Variants in GPI observed in about 807,000 individuals in gnomAD.
GPI encodes glucose-6-phosphate isomerase, also known as D-hexose-6-phosphate anomerase.
A neutral mutation model predicts 75.8 loss-of-function variants in GPI; 56 were observed. The observed-to-expected ratio is 0.74, with a 90% confidence interval of 0.60 to 0.92. GPI has a LOEUF of 0.92. GPI is among the 40% of genes least tolerant of loss of function. GPI has a pLI of 0.00. For missense variants in GPI, 638 were observed against 741.0 expected, an observed-to-expected ratio of 0.86 and a Z score of 1.61; for synonymous variants, 288 against 285.4, an observed-to-expected ratio of 1.01 and a Z score of -0.09.
chr19:34,393,626 T>C lies in GPI; in HGVS notation c.866-102T>C, dbSNP rs554760220. 5.1e-5 allele frequency: 58 copies of C among 1,148,320 alleles called. No homozygotes were observed. In the South Asian group the frequency reaches 5.5e-4, roughly 11 times the overall value. The allele number at this position is 1,148,320 out of a possible 1,614,324, so 71.1% of individuals were successfully genotyped here. A position where few individuals can be genotyped will look rare whatever the true frequency, so the allele number is the denominator to read the frequency against. ...CCGAGTCCTCCCATGTCGTATCTTC[T>C]GGCTCTCCATGCAGCCTTCCTTCGT... On this transcript the variant is annotated intron_variant, in intron 10 of 17. Transcript: ENST00000356487. This position sits in a 1 kb window ranked among gnomAD's most constrained non-coding sequence, Gnocchi z 4.4.
chr19:34,395,677 C>T (rs116389856), intron 12 of GPI, among the ~76,000 whole-genome samples: 48 of 152,292 alleles, frequency 3.2e-4, no homozygotes, highest in African/African-American at 1.1e-3. Context: ...GGGCATGAGT[C>T]CTTCCTGCAC....
chr19:34,380,002 T>G (rs925591552), intron 8 of GPI: 19 of 209,904 alleles, frequency 9.1e-5, no homozygotes, highest in Middle Eastern at 2.0e-3. Flanking sequence ...TTTTTTTTTT[T>G]TTTTTTTTTT....
chr19:34,393,693 T>C lies in GPI; in HGVS notation c.866-35T>C, dbSNP rs772422583. ...CCCACTGCCCACAGGACGCAGGGTG[T>C]GGCCACTTCTGTTGACTCTGCTTTT... On this transcript the variant is annotated intron_variant, in intron 10 of 17. Transcript: ENST00000356487. This position sits in a 1 kb window ranked among gnomAD's most constrained non-coding sequence, Gnocchi z 4.4. The C allele has an allele frequency of 6.2e-7, 1 of 1,610,594 alleles. No homozygotes were observed. Among genetic ancestry groups the C allele is most frequent in the African/African-American group, 1.3e-5 (1 of 74,948 alleles).
At chr19:34,367,061 C>T (rs2074378124) in intron 3 of GPI, 3 of 694,512 alleles carry the variant, frequency 4.3e-6, no homozygotes, top group Non-Finnish European at 7.9e-6. Flanking sequence ...TGGAATGGTT[C>T]CCAGTGTCTG....
chr19:34,360,869 C>A (rs1203100163), upstream of GPI, among the ~76,000 whole-genome samples: 1 of 151,448 alleles, frequency 6.6e-6, no homozygotes, highest in Non-Finnish European at 1.5e-5. Flanking sequence ...CCTCTGCCAC[C>A]CGGGTTCAAG....
chr19:34,391,815 T>A (rs1034802626), intron 9 of GPI, among the ~76,000 whole-genome samples: 1 of 2,050 alleles, frequency 4.9e-4, no homozygotes, highest in Admixed American at 6.5e-3. Flanking sequence ...GTATTAATTA[T>A]GAGAATCTGG....
At chr19:34,366,542 T>G (rs1287680468) in intron 2 of GPI, 107 bp downstream of exon 2, 1 of 831,358 alleles carries the variant, frequency 1.2e-6, no homozygotes, top group Non-Finnish European at 2.1e-6. Flanking sequence ...TTCCTCTCAT[T>G]AGACCTCAGT....
At position 34,393,762 on chromosome 19, in the gene GPI, T is replaced by G; in HGVS notation, c.900T>G (p.Ala300=). ...ACTTCGAGCAGCTGCTCTCGGGGGC[T>G]CACTGGATGGTGAGTGCTGAGGCTG... ...FDNFEQLLSG[A]HWMDQHFRTT... is the part of the protein sequence containing the mutation. The change falls in exon 11 of 18, where the codon GCT becomes GCG. Residue 300 remains alanine (A), a synonymous_variant. Coordinates refer to ENST00000356487, the MANE Select transcript of GPI (RefSeq NM_000175.5). The surrounding 1 kb of genome is among the most constrained non-coding windows in gnomAD (Gnocchi z 4.4). 1 of 1,613,130 alleles carries G rather than the reference T, an allele frequency of 6.2e-7. No individual in the cohort carries two copies. The highest frequency in any genetic ancestry group is 2.2e-5 in the East Asian group (1 of 44,870).
upstream of GPI, chr19:34,365,132 T>A: frequency 8.6e-7 from 1 of 1,159,104 alleles, no homozygotes; most frequent in Non-Finnish European, 1.1e-6. Flanking sequence ...GGCTCAGGGG[T>A]GGGGCCGGGC....
intron 2 of GPI, 134 bp downstream of exon 2, chr19:34,366,569 G>T: frequency 1.3e-6 from 1 of 782,114 alleles, no homozygotes; most frequent in Non-Finnish European, 2.3e-6. Context: ...CTCTGTGCTG[G>T]TGAGGCACCT....
upstream of GPI, chr19:34,364,821 C>A (rs541117840): frequency 8.5e-6 from 5 of 591,194 alleles, no homozygotes; most frequent in Non-Finnish European, 1.4e-5. Context: ...GCCTAGAACA[C>A]TGCCTGTAAC....
chr19:34,365,801 G>C (rs1371839208), intron 1 of GPI: 1 of 473,260 alleles, frequency 2.1e-6, no homozygotes, highest in East Asian at 6.5e-5. Context: ...TCTGCAGGGC[G>C]GGCAGCCCGG....
At chr19:34,388,295 G>A (rs900333672) in intron 9 of GPI, among the ~76,000 whole-genome samples, 9 of 152,142 alleles carry the variant, frequency 5.9e-5, no homozygotes, top group African/African-American at 2.2e-4. Flanking sequence ...TGGTCAACAC[G>A]GTGAAACCCC....
intron 1 of GPI, 116 bp downstream of exon 1, chr19:34,365,504 G>C (rs1274786772): frequency 6.8e-7 from 1 of 1,462,192 alleles, no homozygotes; most frequent in South Asian, 1.2e-5. Context: ...CCGACCTCCA[G>C]GCCACGGACT....
chr19:34,370,309 C>T (rs779345175), intron 4 of GPI, among the ~76,000 whole-genome samples: 9 of 152,158 alleles, frequency 5.9e-5, no homozygotes, highest in South Asian at 2.1e-4. Context: ...GTGCATGCTA[C>T]GAGGGTGATC....
upstream of GPI, among the ~76,000 whole-genome samples, chr19:34,364,259 C>G (rs912282277): frequency 2.0e-5 from 3 of 152,024 alleles, no homozygotes; most frequent in African/African-American, 7.3e-5. Context: ...GAACTCCTGG[C>G]GTCAAGCTAT....
chr19:34,390,026 G>A (rs1002397951), intron 9 of GPI, among the ~76,000 whole-genome samples: 2 of 152,200 alleles, frequency 1.3e-5, no homozygotes, highest in Non-Finnish European at 2.9e-5. Flanking sequence ...AGGCCGAGAA[G>A]ATCGGTCAAG....
intron 9 of GPI, among the ~76,000 whole-genome samples, chr19:34,388,453 C>T (rs1465970072): frequency 4.6e-5 from 7 of 151,266 alleles, no homozygotes; most frequent in African/African-American, 7.3e-5. Flanking sequence ...CAGGCCTGGG[C>T]GACAGAGTGA....
Position 34,366,858 on chromosome 19 carries a change from A to C in GPI, c.282+7A>C, listed in dbSNP as rs544335285. The C allele has an allele frequency of 5.5e-5, 88 of 1,605,370 alleles. 1 individual carries two copies. In the South Asian group the frequency reaches 8.6e-4, roughly 16 times the overall value. On this transcript the variant is annotated splice_region_variant and intron_variant, in intron 3 of 17. Coordinates refer to ENST00000356487, the MANE Select transcript of GPI (RefSeq NM_000175.5). Reference sequence around the variant, plus strand: ...GAAGATCAACTACACCGAGGTGAGCAGGCCCCACATACCCTCTGGGGCCTC... The same window carrying C: ...GAAGATCAACTACACCGAGGTGAGCCGGCCCCACATACCCTCTGGGGCCTC...
Sources: allele counts gnomAD v4.1 joint callset (sites outside exome capture counted in the v4.1 genomes callset), GRCh38; gene constraint gnomAD v4.1.1; non-coding constraint Gnocchi (gnomAD v3.1); transcripts MANE v1.5; gene names NCBI Gene and HGNC (gene_info 2026-07-23, HGNC 2026-07-21).